The following CTNND2 variants were observed in gnomAD, a reference collection of about 807,000 sequenced individuals.
CTNND2 encodes catenin delta-2.
A neutral mutation model predicts 144.4 loss-of-function variants in CTNND2; 22 were observed. That is an observed-to-expected ratio of 0.15 (90% CI 0.11 to 0.22). The LOEUF (loss-of-function observed/expected upper bound fraction) is 0.22. Ranked by LOEUF, CTNND2 falls within the 10% of genes least tolerant of loss-of-function variation. CTNND2 has a pLI of 1.00. For missense variants in CTNND2, 1,353 were observed against 1,618.8 expected (o/e 0.84, Z 2.82); for synonymous variants, 751 against 695.6 (o/e 1.08, Z -1.25).
At chr5:11,451,225 A>G (rs1765289613) in intron 3 of CTNND2, among the ~76,000 whole-genome samples, 1 of 152,106 alleles carries the variant, frequency 6.6e-6, no homozygotes, top group Non-Finnish European at 1.5e-5. Flanking sequence ...GTCTTTGTCA[A>G]TAATTTTTCC....
intron 11 of CTNND2, among the ~76,000 whole-genome samples, chr5:11,188,086 G>A (rs572862967): frequency 9.2e-5 from 14 of 152,166 alleles, no homozygotes; most frequent in African/African-American, 3.1e-4. Context: ...ATTTGACCCA[G>A]CAATCCCATT....
chr5:11,460,281 G>A (rs1766077067), intron 3 of CTNND2, among the ~76,000 whole-genome samples: 1 of 152,086 alleles, frequency 6.6e-6, no homozygotes, highest in African/African-American at 2.4e-5. Context: ...ATTTATCCAA[G>A]AACAAAGAGA....
At chr5:11,545,662 C>CAAAAAAAAA (rs34532125) in intron 3 of CTNND2, among the ~76,000 whole-genome samples, 2 of 74,272 alleles carry the variant, frequency 2.7e-5, no homozygotes, top group Admixed American at 1.8e-4. Flanking sequence ...GACTGTGTCT[C>CAAAAAAAAA]AAAAAAAAAA....
At chr5:11,731,907 T>C (rs1185426823) in intron 2 of CTNND2, among the ~76,000 whole-genome samples, 1 of 152,182 alleles carries the variant, frequency 6.6e-6, no homozygotes, top group Non-Finnish European at 1.5e-5. Context: ...ATTTTGATTA[T>C]AAAGTTGTTT....
intron 11 of CTNND2, among the ~76,000 whole-genome samples, chr5:11,193,015 T>G (rs1253290770): frequency 6.6e-6 from 1 of 152,076 alleles, no homozygotes; most frequent in East Asian, 1.9e-4. Context: ...CTTTGAACAG[T>G]GAGAGGAGGG....
intron 18 of CTNND2, among the ~76,000 whole-genome samples, chr5:10,996,330 CT>C (rs1293606539): frequency 6.6e-6 from 1 of 152,040 alleles, no homozygotes; most frequent in African/African-American, 2.4e-5. Flanking sequence ...GGGCCACAGG[CT>C]GTTGGGAGGA....
At chr5:11,318,939 T>C (rs1473934819) in intron 9 of CTNND2, among the ~76,000 whole-genome samples, 2 of 151,608 alleles carry the variant, frequency 1.3e-5, no homozygotes, top group Non-Finnish European at 1.5e-5. Context: ...ATAATATATA[T>C]ATTAATAATG....
At chr5:11,585,545 T>C (rs1416272393) in intron 2 of CTNND2, among the ~76,000 whole-genome samples, 1 of 151,816 alleles carries the variant, frequency 6.6e-6, no homozygotes, top group Non-Finnish European at 1.5e-5. Context: ...ATTTGTTTGT[T>C]CAGTAAATAC....
At chr5:11,640,034 AT>A (rs1230580845) in intron 2 of CTNND2, among the ~76,000 whole-genome samples, 7 of 152,358 alleles carry the variant, frequency 4.6e-5, no homozygotes, top group Middle Eastern at 6.8e-3. Context: ...GTGAAAAAAA[AT>A]ATCTTGGGTA....
At chr5:11,740,948 C>A (rs1561751419) in intron 1 of CTNND2, among the ~76,000 whole-genome samples, 2 of 152,110 alleles carry the variant, frequency 1.3e-5, no homozygotes, top group African/African-American at 4.8e-5. Context: ...ATTTATGCAG[C>A]CAACAGACAC....
intron 2 of CTNND2, among the ~76,000 whole-genome samples, chr5:11,620,587 A>G (rs1780782006): frequency 6.6e-6 from 1 of 152,148 alleles, no homozygotes. Flanking sequence ...CTGGAATATC[A>G]TGGGGTGCCC....
At chr5:11,066,991 A>T (rs1236600402) in intron 16 of CTNND2, among the ~76,000 whole-genome samples, 1 of 152,222 alleles carries the variant, frequency 6.6e-6, no homozygotes, top group Non-Finnish European at 1.5e-5. Context: ...TGATGCAGCC[A>T]TATACCAACC....
intron 3 of CTNND2, among the ~76,000 whole-genome samples, chr5:11,547,489 C>G (rs906557874): frequency 6.6e-6 from 1 of 151,804 alleles, no homozygotes. Flanking sequence ...AAAAAAGACA[C>G]AAACTGGGGG....
chr5:11,440,456 G>C (rs557492785), intron 3 of CTNND2, among the ~76,000 whole-genome samples: 1 of 152,106 alleles, frequency 6.6e-6, no homozygotes, highest in Non-Finnish European at 1.5e-5. Flanking sequence ...TTTACCTTGA[G>C]AATATTGGAA....
intron 9 of CTNND2, among the ~76,000 whole-genome samples, chr5:11,291,066 T>C (rs562369773): frequency 2.0e-5 from 3 of 152,128 alleles, no homozygotes; most frequent in African/African-American, 7.2e-5. Context: ...GGATTAACCA[T>C]CTTCAAGGAA....
At chr5:11,376,338 G>GTTCATGTATC (rs1757946763) in intron 7 of CTNND2, among the ~76,000 whole-genome samples, 1 of 10,636 alleles carries the variant, frequency 9.4e-5, no homozygotes, top group African/African-American at 1.3e-4. Flanking sequence ...GTGTGTGTGT[G>GTTCATGTATC]TGTGTGTGTA....
intron 9 of CTNND2, among the ~76,000 whole-genome samples, chr5:11,334,627 C>T (rs116191820): frequency 0.011 from 1,608 of 152,240 alleles, 33 homozygotes; most frequent in African/African-American, 0.037. Flanking sequence ...GTCTGAATTC[C>T]GAAAATGTTG....
chr5:11,386,847 A>C (rs1217545103), intron 6 of CTNND2, among the ~76,000 whole-genome samples: 1 of 152,100 alleles, frequency 6.6e-6, no homozygotes, highest in East Asian at 1.9e-4. Context: ...TGAGGGTCTT[A>C]TATGTGGAGG....
intron 2 of CTNND2, among the ~76,000 whole-genome samples, chr5:11,713,955 A>T (rs1786189781): frequency 6.6e-6 from 1 of 152,040 alleles, no homozygotes; most frequent in African/African-American, 2.4e-5. Flanking sequence ...GACTCTGAGG[A>T]CTCCATTCAA....
Sources: allele counts gnomAD v4.1 joint callset (sites outside exome capture counted in the v4.1 genomes callset), GRCh38; gene constraint gnomAD v4.1.1; transcripts MANE v1.5; gene names NCBI Gene and HGNC (gene_info 2026-07-23, HGNC 2026-07-21).